Variants in ZNF341 observed in about 807,000 individuals in gnomAD.
ZNF341 encodes zinc finger protein 341.
In ZNF341, 52 loss-of-function variants were observed where a neutral mutation model predicts 87.7. The ratio of observed to expected loss-of-function variants is 0.59; its 90% CI spans 0.47 to 0.75. ZNF341 has a LOEUF of 0.75. ZNF341 is among the 30% of genes least tolerant of loss of function. The pLI, the probability that ZNF341 is intolerant of heterozygous loss-of-function variation, is 0.00. For missense variants in ZNF341, 977 were observed against 1,145.9 expected (o/e 0.85, Z 2.13); for synonymous variants, 459 against 472.7 (o/e 0.97, Z 0.38).
At chr20:33,741,687 G>A (rs1479503195) in intron 2 of ZNF341, among the ~76,000 whole-genome samples, 1 of 152,100 alleles carries the variant, frequency 6.6e-6, no homozygotes, top group Non-Finnish European at 1.5e-5. Context: ...TTACCTGCAT[G>A]AGCCACTGCA....
intron 1 of ZNF341, among the ~76,000 whole-genome samples, chr20:33,737,137 C>T (rs2018705827): frequency 6.6e-6 from 1 of 152,096 alleles, no homozygotes; most frequent in Non-Finnish European, 1.5e-5. Flanking sequence ...CTGTAACCAT[C>T]CAATGGGTTC....
At position 33,740,885 on chromosome 20, in the gene ZNF341, T is replaced by A; in HGVS notation, c.32-17T>A. 1 of 1,611,250 alleles carries A rather than the reference T, an allele frequency of 6.2e-7. No individual in the cohort carries two copies. ...TGCTGGGCCTACCTTCCAAAGAGGC[T>A]GCACTTCTTTTTTCAGGAATGGACA... is the stretch of plus-strand genomic sequence containing the variant. On this transcript the variant is annotated splice_polypyrimidine_tract_variant and intron_variant, in intron 1 of 14. Transcript: ENST00000375200.
Position 33,767,118 on chromosome 20 carries a change from C to T in ZNF341, c.1413+77C>T, listed in dbSNP as rs537766193. 1.2e-4 allele frequency: 180 copies of T among 1,503,664 alleles called. No individual in the cohort carries two copies. The African/African-American group carries it at 2.0e-3, about 16-fold the overall frequency. The allele number at this position is 1,503,664 out of a possible 1,614,324, so 93.1% of individuals were successfully genotyped here. Reference sequence around the variant, plus strand: ...ACTGGTGCTAGGGTCTTGAATGCTGCCTAGAAAGGGGTAGGAACCAGTGAG... The same window carrying T: ...ACTGGTGCTAGGGTCTTGAATGCTGTCTAGAAAGGGGTAGGAACCAGTGAG... On this transcript the variant is annotated intron_variant, in intron 9 of 14. Coordinates refer to ENST00000375200, the MANE Select transcript of ZNF341 (RefSeq NM_001282933.2).
At chr20:33,748,877 C>T in intron 3 of ZNF341, 46 bp from the exon 4 acceptor site, 1 of 1,566,696 alleles carries the variant, frequency 6.4e-7, no homozygotes. Context: ...CACACACACA[C>T]TCTGTCTCTC....
chr20:33,772,894 GAAA>G (rs1184736812), intron 10 of ZNF341, among the ~76,000 whole-genome samples: 2 of 152,186 alleles, frequency 1.3e-5, no homozygotes, highest in Non-Finnish European at 2.9e-5. Context: ...AAGACTCTGG[GAAA>G]TGGGGCAAGA....
In ZNF341 at chr20:33,782,162, C is replaced by T. The variant is rs537940967; in HGVS notation, c.1719+775C>T. Among the ~76,000 whole-genome samples the T allele has an allele frequency of 9.6e-4, 146 of 152,306 alleles. 1 individual carries two copies. Among genetic ancestry groups the T allele is most frequent in the South Asian group, 4.8e-3 (23 of 4,826 alleles). On this transcript the variant is annotated intron_variant, in intron 11 of 14. Transcript: ENST00000375200. Reference sequence around the variant, plus strand: ...CCTCACTAAAGCCTGTTCCTGATAACATCAAACATCCAGGAAGTGTTCCAA... The same window carrying T: ...CCTCACTAAAGCCTGTTCCTGATAATATCAAACATCCAGGAAGTGTTCCAA...
At chr20:33,769,946 T>A in intron 9 of ZNF341, 138 bp from the exon 10 acceptor site, 2 of 627,330 alleles carry the variant, frequency 3.2e-6, no homozygotes, top group Non-Finnish European at 5.7e-6. Flanking sequence ...AACCCTGGGA[T>A]CCAGTAGCAG....
intron 7 of ZNF341, 34 bp from the exon 8 acceptor site, chr20:33,761,828 T>G (rs2019297876): frequency 6.9e-7 from 1 of 1,441,810 alleles, no homozygotes; most frequent in African/African-American, 1.4e-5. Context: ...TCCCCGTTCC[T>G]GCAGGAGGGC....
At position 33,747,644 on chromosome 20, in the gene ZNF341, A is replaced by AAAAC. The variant is rs1239982125; in HGVS notation, c.340-1279_340-1278insAAAC. Among the ~76,000 whole-genome samples, 2 of 137,928 alleles carry AAAAC rather than the reference A, an allele frequency of 1.5e-5. 1 individual carries two copies. The highest frequency in any genetic ancestry group is 5.3e-5 in the African/African-American group (2 of 37,596). The allele number at this position is 137,928 out of a possible 152,430, so 90.5% of individuals were successfully genotyped here. A position where few individuals can be genotyped will look rare whatever the true frequency, so the allele number is the denominator to read the frequency against. On this transcript the variant is annotated intron_variant, in intron 3 of 14. Transcript: ENST00000375200. ...AAAAAAAAAAAAAAAAAAAAAAAAC[A>AAAAC]CAGTCATTTTTCTCACTGCTTGACT...
chr20:33,758,762 C>A lies in ZNF341; in HGVS notation c.984C>A (p.Asp328Glu). The A allele has an allele frequency of 2.5e-6, 4 of 1,614,036 alleles. No individual in the cohort carries two copies. The African/African-American group carries it at 4.0e-5, about 16-fold the overall frequency. ...AGAAACTCAAGTGCTCATACTGTGA[C>A]AAGTCATTCACCAAAAACTTTGACC... ...KAQKLKCSYC[D>E]KSFTKNFDLQ... Residue 328 changes from aspartate (D) to glutamate (E), a missense_variant, in exon 7 of 15, where the codon GAC becomes GAA. Physicochemically the swap from Asp to Glu is conservative, Grantham distance 45. Around this residue, in one of 3 missense-constraint regions of ZNF341, gnomAD observed 515 missense variants for 598.2 expected, o/e 0.86. Coordinates refer to ENST00000375200, the MANE Select transcript of ZNF341 (RefSeq NM_001282933.2).
At chr20:33,756,179 C>T (rs1450278966) in intron 5 of ZNF341, among the ~76,000 whole-genome samples, 1 of 151,914 alleles carries the variant, frequency 6.6e-6, no homozygotes, top group Non-Finnish European at 1.5e-5. Flanking sequence ...GCCGAGATCA[C>T]ATCATTGCAT....
At chr20:33,734,095 C>G (rs11905549) in intron 1 of ZNF341, among the ~76,000 whole-genome samples, 1 of 152,164 alleles carries the variant, frequency 6.6e-6, no homozygotes, top group African/African-American at 2.4e-5. Context: ...AAATCAGTTC[C>G]TAGGACAGTG....
intron 12 of ZNF341, chr20:33,787,225 T>C (rs1252495047): frequency 1.5e-5 from 2 of 132,724 alleles, no homozygotes; most frequent in East Asian, 4.3e-4. Flanking sequence ...GTTGTATTTT[T>C]TCTTTCTTTT....
intron 10 of ZNF341, among the ~76,000 whole-genome samples, chr20:33,776,198 C>A (rs932691946): frequency 6.6e-6 from 1 of 151,966 alleles, no homozygotes; most frequent in African/African-American, 2.4e-5. Context: ...GTGATTCTCC[C>A]ACCTCAGCCT....
intron 10 of ZNF341, among the ~76,000 whole-genome samples, chr20:33,779,254 A>G (rs1170590037): frequency 6.6e-6 from 1 of 152,124 alleles, no homozygotes; most frequent in Non-Finnish European, 1.5e-5. Context: ...TTAAACAGCT[A>G]GATCTCATGA....
intron 10 of ZNF341, among the ~76,000 whole-genome samples, chr20:33,776,048 A>G (rs935216408): frequency 6.6e-6 from 1 of 151,746 alleles, no homozygotes; most frequent in Admixed American, 6.6e-5. Context: ...AATTTAACTT[A>G]TGTATGTATT....
rs1237570561 is a variant in ZNF341 at position 33,761,894 on chromosome 20, C to T, written c.1061C>T (p.Ala354Val). ...HTGEKPFQCI[A>V]CGRAFAQKSN... is the part of the protein sequence containing the mutation. Reference sequence around the variant, plus strand: ...GGTGAGAAGCCCTTCCAGTGCATTGCATGTGGCCGTGCCTTTGCCCAGAAG... The same window carrying T: ...GGTGAGAAGCCCTTCCAGTGCATTGTATGTGGCCGTGCCTTTGCCCAGAAG... The change falls in exon 8 of 15, where the codon GCA becomes GTA. Residue 354 changes from alanine to valine, a missense_variant. Physicochemically the swap from Ala to Val is moderately conservative, Grantham distance 64. Around this residue, in one of 3 missense-constraint regions of ZNF341, gnomAD observed 515 missense variants for 598.2 expected, o/e 0.86. Transcript: ENST00000375200. The T allele has an allele frequency of 6.3e-7, 1 of 1,586,074 alleles. No individual in the cohort carries two copies. Among genetic ancestry groups the T allele is most frequent in the South Asian group, 1.1e-5 (1 of 88,572 alleles).
intron 12 of ZNF341, chr20:33,788,417 T>TG (rs2019918174): frequency 5.6e-6 from 1 of 178,368 alleles, no homozygotes; most frequent in African/African-American, 3.7e-5. Context: ...AGCAAGGCTC[T>TG]GTCTCAAAAA....
chr20:33,775,046 A>G (rs1391775094), intron 10 of ZNF341, among the ~76,000 whole-genome samples: 2 of 152,162 alleles, frequency 1.3e-5, no homozygotes, highest in Non-Finnish European at 2.9e-5. Flanking sequence ...TCCATTGTGC[A>G]TGGTGTACTG....
Sources: gnomAD v4.1 joint callset for allele counts (sites outside exome capture counted in the v4.1 genomes callset) on GRCh38, gnomAD v4.1.1 for gene constraint, gnomAD v4.1.1 regional missense constraint, MANE v1.5 for transcripts, NCBI Gene and HGNC (gene_info 2026-07-23, HGNC 2026-07-21) for gene names.